Variants in SCYL3 observed in about 807,000 individuals in gnomAD.
The protein encoded by SCYL3 is protein-associating with the carboxyl-terminal domain of ezrin.
A neutral mutation model predicts 73.8 loss-of-function variants in SCYL3; 35 were observed. The observed-to-expected ratio is 0.47, with a 90% CI of 0.36 to 0.63. SCYL3 has a LOEUF of 0.63. SCYL3 is among the 20% of genes least tolerant of loss of function. The pLI is 0.00. For missense variants in SCYL3, 712 were observed against 798.9 expected, an observed-to-expected ratio of 0.89 and a Z score of 1.31; for synonymous variants, 277 against 295.2, an observed-to-expected ratio of 0.94 and a Z score of 0.63.
intron 9 of SCYL3, among the ~76,000 whole-genome samples, chr1:169,863,978 G>A (rs1051043385): frequency 4.6e-5 from 7 of 152,060 alleles, no homozygotes; most frequent in Non-Finnish European, 1.5e-5. Context: ...GCCCCAGGAA[G>A]TAAAATGATC....
At chr1:169,870,642 T>G (rs1571416340) in intron 5 of SCYL3, among the ~76,000 whole-genome samples, 1 of 152,214 alleles carries the variant, frequency 6.6e-6, no homozygotes, top group Admixed American at 6.5e-5. Context: ...ATGTCTTATA[T>G]CATGCTCTAC....
At chr1:169,876,954 C>CA (rs1660879650) in intron 3 of SCYL3, among the ~76,000 whole-genome samples, 1 of 33,674 alleles carries the variant, frequency 3.0e-5, no homozygotes, top group Non-Finnish European at 5.0e-5. Context: ...GACCTTGTCT[C>CA]AAATAAAAAA....
chr1:169,882,463 C>A (rs368582585), intron 2 of SCYL3, among the ~76,000 whole-genome samples: 1 of 152,216 alleles, frequency 6.6e-6, no homozygotes, highest in African/African-American at 2.4e-5. Context: ...GGAGCCCAGT[C>A]CCATCGACCA....
At chr1:169,893,408 C>T (rs752728780) in intron 1 of SCYL3, among the ~76,000 whole-genome samples, 1 of 152,064 alleles carries the variant, frequency 6.6e-6, no homozygotes, top group African/African-American at 2.4e-5. Flanking sequence ...CACCCTCGCC[C>T]TGCTTGCCGC....
At position 169,870,314 on chromosome 1, in the gene SCYL3, C is replaced by T. The variant is rs774959120; in HGVS notation, c.566G>A (p.Arg189Gln). 3.7e-6 allele frequency: 6 copies of T among 1,613,474 alleles called. No individual in the cohort carries two copies. Among genetic ancestry groups the T allele is most frequent in the South Asian group, 1.1e-5 (1 of 91,006 alleles). The change falls in exon 6 of 13, where the codon CGG (arginine) becomes CAG (glutamine). Residue 189 changes from arginine (R) to glutamine (Q), a missense_variant. Physicochemically the swap from Arg to Gln is conservative, Grantham distance 43. This residue lies in a region of SCYL3 where 342 missense variants were observed against 448.1 expected (regional missense o/e 0.76). Coordinates refer to ENST00000367771, the MANE Select transcript of SCYL3 (RefSeq NM_020423.7). ...TTLPECHGHA[R>Q]DAFSFGTLVE... ...CAATGTTCCAAATGAAAAGGCATCC[C>T]GGGCATGTCCATGACACTCTGGGAG...
At chr1:169,876,798 A>G (rs753435069) in intron 3 of SCYL3, among the ~76,000 whole-genome samples, 1 of 151,934 alleles carries the variant, frequency 6.6e-6, no homozygotes, top group Non-Finnish European at 1.5e-5. Context: ...TACGAAAAAT[A>G]CAAAATATTA....
chr1:169,860,827 GCTAAA>G (rs1390848726), intron 10 of SCYL3, among the ~76,000 whole-genome samples: 1 of 152,116 alleles, frequency 6.6e-6, no homozygotes, highest in African/African-American at 2.4e-5. Flanking sequence ...TCATCTCTTA[GCTAAA>G]CTATTCTAAC....
At position 169,888,609 on chromosome 1, in the gene SCYL3, A is replaced by G. The variant is rs1034133250; in HGVS notation, c.165+67T>C. ...ACCTCCTTTGAACTTTACTAATTTC[A>G]TATTTTTTTAAAAGAAAACAAGATA... On this transcript the variant is annotated intron_variant, in intron 2 of 12. Coordinates refer to ENST00000367771, the MANE Select transcript of SCYL3 (RefSeq NM_020423.7). 12 of 1,316,794 alleles carry G rather than the reference A, an allele frequency of 9.1e-6. No homozygotes were observed. The African/African-American group carries it at 1.2e-4, about 13-fold the overall frequency. 81.6% of individuals were successfully genotyped at this position (1,316,794 alleles called of 1,614,324 possible).
chr1:169,851,910 G>C lies in SCYL3; in HGVS notation c.*1803C>G. On this transcript the variant is annotated 3_prime_UTR_variant, in exon 13 of 13. Transcript: ENST00000367771. ...GGAACCCTTTGCTAATGTGACTGTAGAAGAAGCAAAGAGGTCATCTTTACA... is the reference window on the plus strand; with the variant it reads ...GGAACCCTTTGCTAATGTGACTGTACAAGAAGCAAAGAGGTCATCTTTACA... The C allele has an allele frequency of 6.2e-7, 1 of 1,614,032 alleles. No homozygotes were observed. The highest frequency in any genetic ancestry group is 8.5e-7 in the Non-Finnish European group (1 of 1,179,938).
At chr1:169,856,328 A>G (rs1437009653) in intron 11 of SCYL3, among the ~76,000 whole-genome samples, 3 of 152,240 alleles carry the variant, frequency 2.0e-5, no homozygotes, top group Admixed American at 1.3e-4. Context: ...GTATAAGCAT[A>G]AGAATATGAA....
At position 169,850,363 on chromosome 1, in the gene SCYL3, CTCA is replaced by C; in HGVS notation, c.*3347_*3349del. The C allele has an allele frequency of 6.6e-7, 1 of 1,524,430 alleles. No homozygotes were observed. The highest frequency in any genetic ancestry group is 9.0e-7 in the Non-Finnish European group (1 of 1,109,618). The allele number at this position is 1,524,430 out of a possible 1,614,324, so 94.4% of individuals were successfully genotyped here. On this transcript the variant is annotated 3_prime_UTR_variant, in exon 13 of 13. Coordinates refer to ENST00000367771, the MANE Select transcript of SCYL3 (RefSeq NM_020423.7). ...TGGAGAAGGTACTTTCTTTACATGG[CTCA>C]TGTTTTATTCTTTGTCCTATTTTTT... is the stretch of plus-strand genomic sequence containing the variant.
chr1:169,872,737 C>T (rs964292627), intron 5 of SCYL3, among the ~76,000 whole-genome samples: 1 of 152,174 alleles, frequency 6.6e-6, no homozygotes, highest in African/African-American at 2.4e-5. Context: ...GACCCGGATG[C>T]GAGACACGGA....
At chr1:169,873,418 G>C (rs1337738557) in intron 5 of SCYL3, among the ~76,000 whole-genome samples, 1 of 152,160 alleles carries the variant, frequency 6.6e-6, no homozygotes, top group Non-Finnish European at 1.5e-5. Flanking sequence ...CATGAAAACA[G>C]ACTAATACAA....
rs1165178342 is a variant in SCYL3, at chr1:169,854,906, A to AT, written c.1370dup (p.Asn457LysfsTer7). 1 of 1,613,452 alleles carries AT rather than the reference A, an allele frequency of 6.2e-7. No homozygotes were observed. Among genetic ancestry groups the AT allele is most frequent in the Middle Eastern group, 1.7e-4 (1 of 6,060 alleles). ...GGAAGTTTTCACTGTCCTCCGAAGT[A>AT]TTTTTTACATCTGAGAGTCCATTTA... is the stretch of plus-strand genomic sequence containing the variant. On this transcript the variant is annotated frameshift_variant, in exon 12 of 13. Coordinates refer to ENST00000367771, the MANE Select transcript of SCYL3 (RefSeq NM_020423.7). LOFTEE classifies it high-confidence loss of function.
Position 169,852,235 on chromosome 1 carries a change from A to G in SCYL3, c.*1478T>C. ...TTTACTGAACCACAGAAGAAAATGA[A>G]AGAAACTTACTCCTAAATGTTTAGT... On this transcript the variant is annotated 3_prime_UTR_variant, in exon 13 of 13. Coordinates refer to ENST00000367771, the MANE Select transcript of SCYL3 (RefSeq NM_020423.7). The G allele has an allele frequency of 2.7e-6, 1 of 371,492 alleles. No homozygotes were observed. The highest frequency in any genetic ancestry group is 4.9e-6 in the Non-Finnish European group (1 of 204,560). 23.0% of individuals were successfully genotyped at this position (371,492 alleles called of 1,614,324 possible).
Position 169,854,632 on chromosome 1 carries a change from G to A in SCYL3, c.1645C>T (p.Pro549Ser), listed in dbSNP as rs769212971. The change falls in exon 12 of 13, where the codon CCT becomes TCT. Residue 549 changes from proline (P) to serine (S), a missense_variant. Pro to Ser is a moderately conservative substitution (Grantham distance 74, BLOSUM62 -1). Around this residue, in one of 2 missense-constraint regions of SCYL3, gnomAD observed 370 missense variants for 350.8 expected, o/e 1.05. Transcript: ENST00000367771. ...TCTTCAGTGAGTGAAAGCAAAGCAGGAATAGGCTTCTGCTCCCCTGAGGTA... is the reference window on the plus strand; with the variant it reads ...TCTTCAGTGAGTGAAAGCAAAGCAGAAATAGGCTTCTGCTCCCCTGAGGTA... ...PVTSGEQKPI[P>S]ALLSLTEESM... is the part of the protein sequence containing the mutation. 17 of 1,613,914 alleles carry A rather than the reference G, an allele frequency of 1.1e-5. No homozygotes were observed. The African/African-American group carries it at 2.3e-4, about 22-fold the overall frequency.
At chr1:169,879,373 T>G (rs929745836) in intron 2 of SCYL3, among the ~76,000 whole-genome samples, 1 of 152,174 alleles carries the variant, frequency 6.6e-6, no homozygotes, top group Non-Finnish European at 1.5e-5. Context: ...GAGGAGGGTA[T>G]CCCAGAGAGG....
At chr1:169,890,191 T>C (rs1661979848) in intron 1 of SCYL3, among the ~76,000 whole-genome samples, 1 of 152,196 alleles carries the variant, frequency 6.6e-6, no homozygotes, top group African/African-American at 2.4e-5. Flanking sequence ...TCATGCCACT[T>C]ATCGTGAGGA....
At chr1:169,887,862 A>C (rs1005810691) in intron 2 of SCYL3, among the ~76,000 whole-genome samples, 15 of 152,198 alleles carry the variant, frequency 9.9e-5, no homozygotes. Context: ...AAATAAAAAC[A>C]ATTTAGAGTC....
Sources: allele counts gnomAD v4.1 joint callset (sites outside exome capture counted in the v4.1 genomes callset), GRCh38; gene constraint gnomAD v4.1.1; regional missense constraint gnomAD v4.1.1; transcripts MANE v1.5; gene names NCBI Gene and HGNC (gene_info 2026-07-23, HGNC 2026-07-21).